The following ZNF845 variants were observed in gnomAD, a reference collection of about 807,000 sequenced individuals.
ZNF845 encodes the protein zinc finger protein 845.
A neutral mutation model predicts 76.1 loss-of-function variants in ZNF845; 59 were observed. The ratio of observed to expected loss-of-function variants is 0.78; its 90% confidence interval spans 0.63 to 0.96. ZNF845 has a LOEUF of 0.96. Ranked by LOEUF, ZNF845 falls within the 40% of genes least tolerant of loss-of-function variation. The probability of loss-of-function intolerance (pLI) is 0.00; values close to 1 mark genes in which losing one functional copy is unlikely to be tolerated. For missense variants in ZNF845, 1,045 were observed against 1,172.8 expected (o/e 0.89, Z 1.59); for synonymous variants, 361 against 386.9 (o/e 0.93, Z 0.78).
intron 3 of ZNF845, 46 bp from the exon 4 acceptor site, chr19:53,350,772 A>G (rs2147045219): frequency 6.4e-7 from 1 of 1,574,122 alleles, no homozygotes; most frequent in Non-Finnish European, 8.6e-7. Context: ...AGTATTATTT[A>G]CCATCTATAC....
chr19:53,338,539 C>T (rs73594749), intron 1 of ZNF845, among the ~76,000 whole-genome samples: 38,835 of 136,274 alleles, frequency 0.28, 6,512 homozygotes, highest in Middle Eastern at 0.31. Context: ...AGTTCTGTTC[C>T]GGAGCAGCTG....
intron 2 of ZNF845, among the ~76,000 whole-genome samples, chr19:53,343,309 A>G (rs1284955581): frequency 6.6e-6 from 1 of 152,218 alleles, no homozygotes; most frequent in Non-Finnish European, 1.5e-5. Flanking sequence ...CATCTGCATT[A>G]GAAATTGACT....
At chr19:53,347,046 G>T (rs1279863711) in intron 3 of ZNF845, among the ~76,000 whole-genome samples, 1 of 151,906 alleles carries the variant, frequency 6.6e-6, no homozygotes, top group Non-Finnish European at 1.5e-5. Flanking sequence ...ACCATGCCTG[G>T]CTAATTTTGT....
rs774379624 is a variant in ZNF845 at position 53,352,720 on chromosome 19, G to A, written c.2045G>A (p.Arg682His). The A allele has an allele frequency of 1.9e-5, 30 of 1,613,440 alleles. No homozygotes were observed. The East Asian group carries it at 4.0e-4, about 22-fold the overall frequency. ...CGGAAGTCATACCTTACATGCCATC[G>A]TAGACTTCATACTGGAGAGAAACCT... ...FSRKSYLTCH[R>H]RLHTGEKPYK... The change falls in exon 4 of 4, where the codon CGT (arginine) becomes CAT (histidine). Residue 682 changes from arginine (R) to histidine (H), a missense_variant. By Grantham distance (29) the Arg-to-His change is conservative. Coordinates refer to ENST00000458035, the MANE Select transcript of ZNF845 (RefSeq NM_138374.3).
At chr19:53,339,562 A>C (rs1366710313) in intron 1 of ZNF845, among the ~76,000 whole-genome samples, 3 of 152,156 alleles carry the variant, frequency 2.0e-5, no homozygotes, top group Non-Finnish European at 2.9e-5. Flanking sequence ...ACTAAGACCC[A>C]AGGATTTGAG....
intron 1 of ZNF845, among the ~76,000 whole-genome samples, chr19:53,334,721 T>A: frequency 1.3e-5 from 1 of 76,286 alleles, no homozygotes; most frequent in East Asian, 3.0e-4. Flanking sequence ...GGCAAAATAG[T>A]GAGACCCCCC....
intron 3 of ZNF845, among the ~76,000 whole-genome samples, chr19:53,350,613 G>C (rs972341786): frequency 6.6e-6 from 1 of 152,112 alleles, no homozygotes; most frequent in Non-Finnish European, 1.5e-5. Flanking sequence ...CATGATATTG[G>C]AAATAGGCTT....
chr19:53,341,221 T>C lies in ZNF845; in HGVS notation c.-73-14T>C. On this transcript the variant is annotated splice_polypyrimidine_tract_variant and intron_variant, in intron 1 of 3. Transcript: ENST00000458035. ...TTGATTCTGAGCAATAAACAACATA[T>C]TTTTAACATTCAGGATTGACTTCTA... The C allele has an allele frequency of 1.3e-6, 2 of 1,566,374 alleles. No homozygotes were observed. Among genetic ancestry groups the C allele is most frequent in the Non-Finnish European group, 1.8e-6 (2 of 1,138,498 alleles).
intron 1 of ZNF845, among the ~76,000 whole-genome samples, chr19:53,339,707 C>T (rs1241843427): frequency 6.6e-6 from 1 of 152,252 alleles, no homozygotes; most frequent in African/African-American, 2.4e-5. Flanking sequence ...GACCCTGGCA[C>T]ATGTGAGACC....
Position 53,334,725 on chromosome 19 carries a change from ACCCC to A in ZNF845, c.-74+941_-74+944del, listed in dbSNP as rs59524169. The stretch of plus-strand genomic sequence containing the variant: ...AGACCGGCCTGGGCAAAATAGTGAG[ACCCC>A]CCCCCCCATCTCTGTCAAAAAAAAA... On this transcript the variant is annotated intron_variant, in intron 1 of 3. Coordinates refer to ENST00000458035, the MANE Select transcript of ZNF845 (RefSeq NM_138374.3). Among the ~76,000 whole-genome samples the A allele has an allele frequency of 1.2e-4, 16 of 137,642 alleles. No homozygotes were observed. The East Asian group carries it at 2.5e-3, about 22-fold the overall frequency. 90.3% of individuals were successfully genotyped at this position (137,642 alleles called of 152,430 possible).
chr19:53,350,508 A>G (rs953962072), intron 3 of ZNF845, among the ~76,000 whole-genome samples: 3 of 152,152 alleles, frequency 2.0e-5, no homozygotes, highest in African/African-American at 4.8e-5. Context: ...TGACAGTGAT[A>G]TGTTTTTTGC....
chr19:53,341,460 C>T, intron 2 of ZNF845, 138 bp downstream of exon 2: 2 of 1,327,100 alleles, frequency 1.5e-6, no homozygotes, highest in Non-Finnish European at 2.1e-6. Context: ...TCCCTCAGTC[C>T]CTCTCATCTC....
chr19:53,346,494 A>G (rs2085297819), intron 3 of ZNF845: 6 of 252,476 alleles, frequency 2.4e-5, no homozygotes, highest in South Asian at 1.8e-4. Context: ...CAGCCTGGCT[A>G]GCGTGGCGAA....
rs2085204482 is a variant in ZNF845, at chr19:53,335,145, G to A, written c.-74+1353G>A. On this transcript the variant is annotated intron_variant, in intron 1 of 3. Transcript: ENST00000458035. ...AATCCCTATTCAGCCAGAGGGTAGT[G>A]ACTTAATTCAATTGTGAGAGCCTCT... Among the ~76,000 whole-genome samples, 3 of 152,298 alleles carry A rather than the reference G, an allele frequency of 2.0e-5. No individual in the cohort carries two copies. In the South Asian group the frequency reaches 6.2e-4, roughly 32 times the overall value.
In ZNF845 at chr19:53,352,224, C is replaced by G. The variant is rs1170405280; in HGVS notation, c.1549C>G (p.His517Asp). 8 of 1,613,676 alleles carry G rather than the reference C, an allele frequency of 5.0e-6. No individual in the cohort carries two copies. The Middle Eastern group carries it at 6.6e-4, about 133-fold the overall frequency. ...KSNLERHRII[H>D]TGEKLYKCNE... ...AAACCTTGAAAGACATAGGATAATTCATACTGGAGAGAAACTTTACAAGTG... is the reference window on the plus strand; with the variant it reads ...AAACCTTGAAAGACATAGGATAATTGATACTGGAGAGAAACTTTACAAGTG... The change falls in exon 4 of 4, where the codon CAT becomes GAT. Residue 517 changes from histidine (H) to aspartate (D), a missense_variant. Physicochemically the swap from His to Asp is moderately conservative, Grantham distance 81. Transcript: ENST00000458035.
At chr19:53,335,923 A>T (rs1249333213) in intron 1 of ZNF845, among the ~76,000 whole-genome samples, 2 of 151,930 alleles carry the variant, frequency 1.3e-5, no homozygotes, top group African/African-American at 2.4e-5. Context: ...TAAAAGGGAC[A>T]TCAGGGCGTA....
At chr19:53,336,591 C>CT (rs1043495122) in intron 1 of ZNF845, among the ~76,000 whole-genome samples, 2 of 140,328 alleles carry the variant, frequency 1.4e-5, no homozygotes, top group Non-Finnish European at 3.1e-5. Context: ...AACATATTTT[C>CT]TTTTTTTTCT....
intron 1 of ZNF845, among the ~76,000 whole-genome samples, chr19:53,339,279 G>C (rs1158493392): frequency 6.6e-6 from 1 of 152,156 alleles, no homozygotes; most frequent in Non-Finnish European, 1.5e-5. Flanking sequence ...CCTGTGAACA[G>C]ATGGGCTGAT....
At chr19:53,348,847 A>ATTTTTTTTTTTTTTTTTTTTTTTTTTTTT (rs565694028) in intron 3 of ZNF845, among the ~76,000 whole-genome samples, 1 of 96,600 alleles carries the variant, frequency 1.0e-5, no homozygotes. Context: ...TTGTTAGTCA[A>ATTTTTTTTTTTTTTTTTTTTTTTTTTTTT]TTTTTTTTTT....
Sources: gnomAD v4.1 joint callset for allele counts (sites outside exome capture counted in the v4.1 genomes callset) on GRCh38, gnomAD v4.1.1 for gene constraint, MANE v1.5 for transcripts, NCBI Gene and HGNC (gene_info 2026-07-23, HGNC 2026-07-21) for gene names.